The following NKAIN3 variants were observed in gnomAD, a reference collection of about 807,000 sequenced individuals.
NKAIN3 encodes the protein sodium/potassium-transporting ATPase subunit beta-1-interacting protein 3.
Under a neutral mutation model 30.2 loss-of-function variants are expected in NKAIN3, and 25 were observed. That is an observed-to-expected ratio of 0.83 (90% CI 0.60 to 1.16). The LOEUF is 1.16. Ranked by LOEUF, NKAIN3 falls within the 50% of genes most tolerant of loss-of-function variation. NKAIN3 has a pLI of 0.00. For missense variants in NKAIN3, 225 were observed against 254.1 expected (o/e 0.89, Z 0.78); for synonymous variants, 91 against 89.6 (o/e 1.02, Z -0.09).
intron 3 of NKAIN3, among the ~76,000 whole-genome samples, chr8:62,704,632 T>A (rs1200213174): frequency 6.6e-6 from 1 of 152,220 alleles, no homozygotes; most frequent in African/African-American, 2.4e-5. Context: ...AGATTTGGCT[T>A]GACTCTCCAG....
rs199571443 is a variant in NKAIN3 at position 62,327,075 on chromosome 8, T to TA, written c.54+77954dup. On this transcript the variant is annotated intron_variant, in intron 1 of 6. Transcript: ENST00000623646. ...GCATTTTCCTAATGATTAGTGATGG[T>TA]AAAAAATCTTTTCATGTGCTTATTG... Among the ~76,000 whole-genome samples, 1,356 of 152,140 alleles carry TA rather than the reference T, an allele frequency of 8.9e-3. 29 individuals are homozygous for TA. The highest frequency in any genetic ancestry group is 0.031 in the African/African-American group (1,280 of 41,532).
intron 1 of NKAIN3, among the ~76,000 whole-genome samples, chr8:62,410,351 A>G (rs1804201754): frequency 6.6e-6 from 1 of 152,086 alleles, no homozygotes; most frequent in Non-Finnish European, 1.5e-5. Flanking sequence ...TCTTTATCCC[A>G]TCTACCACTG....
intron 1 of NKAIN3, among the ~76,000 whole-genome samples, chr8:62,282,250 C>T (rs1045223263): frequency 2.6e-5 from 4 of 152,106 alleles, no homozygotes; most frequent in African/African-American, 9.7e-5. Flanking sequence ...ATCCCTGCAC[C>T]ATTTACTAAA....
chr8:62,579,811 G>A, intron 2 of NKAIN3, 135 bp downstream of exon 2: 1 of 453,366 alleles, frequency 2.2e-6, no homozygotes, highest in Non-Finnish European at 3.7e-6. Context: ...GTTAAATTTT[G>A]TTAAGAAGTG....
chr8:62,311,571 G>A (rs1345863322), intron 1 of NKAIN3, among the ~76,000 whole-genome samples: 2 of 150,574 alleles, frequency 1.3e-5, no homozygotes, highest in African/African-American at 2.5e-5. Context: ...GTAGGACAGA[G>A]CCCTGGACTC....
intron 1 of NKAIN3, among the ~76,000 whole-genome samples, chr8:62,423,406 T>A (rs1326547916): frequency 4.0e-5 from 6 of 150,074 alleles, no homozygotes; most frequent in Non-Finnish European, 1.5e-5. Flanking sequence ...GTCATCTCTA[T>A]GTATATATAA....
At chr8:62,619,214 C>T (rs181305919) in intron 3 of NKAIN3, among the ~76,000 whole-genome samples, 1 of 152,136 alleles carries the variant, frequency 6.6e-6, no homozygotes, top group Non-Finnish European at 1.5e-5. Flanking sequence ...CTTGACAATC[C>T]CATACTGGGT....
At chr8:62,286,387 A>AT (rs564442016) in intron 1 of NKAIN3, among the ~76,000 whole-genome samples, 30 of 151,482 alleles carry the variant, frequency 2.0e-4, no homozygotes, top group African/African-American at 6.8e-4. Flanking sequence ...AAGATACAGT[A>AT]TTTTTTTTTA....
At chr8:62,530,915 A>C (rs1296802861) in intron 1 of NKAIN3, among the ~76,000 whole-genome samples, 3 of 152,008 alleles carry the variant, frequency 2.0e-5, no homozygotes, top group Non-Finnish European at 4.4e-5. Context: ...AACGTGCTGG[A>C]ATTATGGGCG....
Position 62,969,341 on chromosome 8 carries a change from T to C in NKAIN3, c.*3934T>C, listed in dbSNP as rs888578652. 2.0e-5 allele frequency among the ~76,000 whole-genome samples: 3 copies of C among 152,338 alleles called. No individual in the cohort carries two copies. Among genetic ancestry groups the C allele is most frequent in the Middle Eastern group, 3.4e-3 (1 of 294 alleles). ...GTCTTCATTAAAACTAGCTAAAATG[T>C]ACATTGCAAATCTGAAGAAAACAAT... On this transcript the variant is annotated 3_prime_UTR_variant, in exon 7 of 7. Coordinates refer to ENST00000623646, the MANE Select transcript of NKAIN3 (RefSeq NM_001304533.3).
At chr8:62,551,624 C>T (rs1468598534) in intron 1 of NKAIN3, among the ~76,000 whole-genome samples, 1 of 152,140 alleles carries the variant, frequency 6.6e-6, no homozygotes, top group African/African-American at 2.4e-5. Context: ...GTTGTTTGAA[C>T]AGTTGTTTTG....
chr8:62,625,203 G>A (rs796641723), intron 3 of NKAIN3, among the ~76,000 whole-genome samples: 2 of 152,218 alleles, frequency 1.3e-5, no homozygotes, highest in East Asian at 1.9e-4. Context: ...AGGAACAGTG[G>A]CCTTTAGTAA....
chr8:62,792,755 A>C (rs2130676058), intron 4 of NKAIN3, among the ~76,000 whole-genome samples: 1 of 152,234 alleles, frequency 6.6e-6, no homozygotes, highest in South Asian at 2.1e-4. Context: ...ATGAATAGAA[A>C]TTTATAGGTT....
chr8:62,334,245 T>TA (rs5891844), intron 1 of NKAIN3, among the ~76,000 whole-genome samples: 84,494 of 151,906 alleles, frequency 0.56, 24,226 homozygotes, highest in Non-Finnish European at 0.63. Context: ...TTTATTCACT[T>TA]ACAGTTCTTG....
At chr8:62,501,251 A>G (rs1807440538) in intron 1 of NKAIN3, among the ~76,000 whole-genome samples, 1 of 152,142 alleles carries the variant, frequency 6.6e-6, no homozygotes, top group African/African-American at 2.4e-5. Flanking sequence ...CACCCTCACT[A>G]TCCATGAGTA....
intron 1 of NKAIN3, among the ~76,000 whole-genome samples, chr8:62,257,915 A>T (rs946471467): frequency 3.9e-5 from 6 of 152,102 alleles, no homozygotes; most frequent in African/African-American, 1.4e-4. Context: ...TGTTTTGCCT[A>T]GTCCTTTATT....
rs138261415 is a variant in NKAIN3, at chr8:62,394,928, A to G, written c.54+145801A>G. On this transcript the variant is annotated intron_variant, in intron 1 of 6. Transcript: ENST00000623646. The stretch of plus-strand genomic sequence containing the variant: ...CGGCGGCTGGACAGAGGCGCTCATC[A>G]CTTCTCAGATGGTGGGGCAGCCAAG... 7.5e-3 allele frequency among the ~76,000 whole-genome samples: 1,110 copies of G among 147,054 alleles called. 11 individuals are homozygous for G. The highest frequency in any genetic ancestry group is 0.027 in the African/African-American group (1,046 of 39,368).
intron 3 of NKAIN3, among the ~76,000 whole-genome samples, chr8:62,645,020 G>A (rs1812414342): frequency 6.6e-6 from 1 of 152,096 alleles, no homozygotes; most frequent in African/African-American, 2.4e-5. Flanking sequence ...ATTACTTGTT[G>A]GAAAGGTCTT....
intron 4 of NKAIN3, among the ~76,000 whole-genome samples, chr8:62,781,075 T>G (rs1817340591): frequency 6.6e-6 from 1 of 151,924 alleles, no homozygotes; most frequent in Admixed American, 6.6e-5. Context: ...ACAAACAAAT[T>G]CAGTGAAGTT....
Sources: allele counts gnomAD v4.1 joint callset (sites outside exome capture counted in the v4.1 genomes callset), GRCh38; gene constraint gnomAD v4.1.1; transcripts MANE v1.5; gene names NCBI Gene and HGNC (gene_info 2026-07-23, HGNC 2026-07-21).